PEX7: variants seen among roughly 807,000 people sequenced by gnomAD.
PEX7 encodes PTS2 receptor.
A neutral mutation model predicts 47.5 loss-of-function variants in PEX7; 34 were observed. That is an observed-to-expected ratio of 0.72 (90% confidence interval 0.54 to 0.95). The LOEUF (loss-of-function observed/expected upper bound fraction) is 0.95, where lower values mean the gene tolerates loss of function less well. PEX7 is among the 40% of genes least tolerant of loss of function. The pLI, the probability that PEX7 is intolerant of heterozygous loss-of-function variation, is 0.00. For synonymous variants in PEX7, 141 were observed against 148.8 expected, an observed-to-expected ratio of 0.95 and a Z score of 0.38; for missense variants, 394 against 400.3, an observed-to-expected ratio of 0.98 and a Z score of 0.13.
At chr6:136,844,300 G>T (rs1201952829) in intron 3 of PEX7, among the ~76,000 whole-genome samples, 1 of 152,152 alleles carries the variant, frequency 6.6e-6, no homozygotes, top group Admixed American at 6.5e-5. Context: ...AGCCCAGGAG[G>T]TCATCGCTGC....
intron 5 of PEX7, among the ~76,000 whole-genome samples, chr6:136,862,187 G>T (rs538182550): frequency 1.2e-3 from 175 of 150,666 alleles, no homozygotes; most frequent in Middle Eastern, 3.4e-3. Context: ...ATGCCCCAGC[G>T]TCTTGAGTAG....
chr6:136,824,576 G>C (rs918383608), intron 1 of PEX7, among the ~76,000 whole-genome samples: 1 of 152,138 alleles, frequency 6.6e-6, no homozygotes, highest in Non-Finnish European at 1.5e-5. Context: ...ATTCAGTCAT[G>C]TTTAAATAGA....
In PEX7 at chr6:136,846,075, G is replaced by A; in HGVS notation, c.420G>A (p.Trp140Ter). 2 of 1,596,004 alleles carry A rather than the reference G, an allele frequency of 1.3e-6. No individual in the cohort carries two copies. The highest frequency in any genetic ancestry group is 1.7e-6 in the Non-Finnish European group (2 of 1,163,820). Residue 140 changes from tryptophan to a stop codon, truncating the protein, a stop_gained and splice_region_variant, in exon 5 of 10, where the codon TGG (tryptophan) becomes TGA (stop). Transcript: ENST00000318471. LOFTEE classifies it high-confidence loss of function. ...SGSWDQTVKL[W>*]DPTVGKSLCT... ...TTGATCTATTCATTTATTTGTAGTGGGATCCAACTGTTGGAAAGTCTCTGT... is the reference window on the plus strand; with the variant it reads ...TTGATCTATTCATTTATTTGTAGTGAGATCCAACTGTTGGAAAGTCTCTGT...
chr6:136,885,003 T>C (rs1468978958), intron 8 of PEX7, among the ~76,000 whole-genome samples: 1 of 152,232 alleles, frequency 6.6e-6, no homozygotes, highest in East Asian at 1.9e-4. Context: ...TTAACTTCTC[T>C]TCCTGCCAAG....
intron 5 of PEX7, among the ~76,000 whole-genome samples, chr6:136,861,081 A>C (rs368996297): frequency 4.6e-5 from 7 of 152,024 alleles, no homozygotes; most frequent in East Asian, 3.9e-4. Context: ...GGTACTTTTA[A>C]ATTTTTTTAT....
intron 8 of PEX7, among the ~76,000 whole-genome samples, chr6:136,886,902 T>C (rs1775476080): frequency 6.6e-6 from 1 of 152,044 alleles, no homozygotes; most frequent in Admixed American, 6.6e-5. Flanking sequence ...AATTAAAACA[T>C]TAGCCAGGTA....
intron 9 of PEX7, among the ~76,000 whole-genome samples, chr6:136,905,610 C>T (rs1332514021): frequency 6.6e-6 from 1 of 152,050 alleles, no homozygotes; most frequent in African/African-American, 2.4e-5. Context: ...TTTTTCAATG[C>T]TACCATGCTG....
intron 8 of PEX7, among the ~76,000 whole-genome samples, chr6:136,889,070 C>A (rs771893998): frequency 8.5e-5 from 13 of 152,116 alleles, no homozygotes; most frequent in Non-Finnish European, 1.8e-4. Flanking sequence ...CTTCATATAT[C>A]TTTGGGTTAA....
At chr6:136,876,485 C>T (rs893344463) in intron 8 of PEX7, among the ~76,000 whole-genome samples, 1 of 152,146 alleles carries the variant, frequency 6.6e-6, no homozygotes, top group African/African-American at 2.4e-5. Flanking sequence ...GCTATCCCTC[C>T]TCTAGTCCCC....
intron 8 of PEX7, among the ~76,000 whole-genome samples, chr6:136,879,806 A>G (rs142139564): frequency 1.7e-3 from 258 of 151,604 alleles, no homozygotes; most frequent in Admixed American, 2.8e-3. Flanking sequence ...TTTTCCTTCT[A>G]TATTTCTTTA....
chr6:136,872,268 A>G lies in PEX7; in HGVS notation c.803+15A>G. On this transcript the variant is annotated intron_variant, in intron 8 of 9. Coordinates refer to ENST00000318471, the MANE Select transcript of PEX7 (RefSeq NM_000288.4). ...TTTACTGTAAGGTACAGTGGTTTTT[A>G]ATACATTTCATTGTGAAATACCAGG... is the stretch of plus-strand genomic sequence containing the variant. 3 of 1,597,752 alleles carry G rather than the reference A, an allele frequency of 1.9e-6. No individual in the cohort carries two copies. The highest frequency in any genetic ancestry group is 2.6e-6 in the Non-Finnish European group (3 of 1,169,360).
chr6:136,905,760 A>G (rs776895229), intron 9 of PEX7, among the ~76,000 whole-genome samples: 4 of 152,162 alleles, frequency 2.6e-5, no homozygotes, highest in Admixed American at 6.6e-5. Flanking sequence ...TGCTAGTGAT[A>G]CTTGCCCTAT....
chr6:136,870,526 A>G (rs548501669), intron 7 of PEX7, among the ~76,000 whole-genome samples: 2 of 152,272 alleles, frequency 1.3e-5, no homozygotes, highest in African/African-American at 4.8e-5. Flanking sequence ...TTATAAGATG[A>G]CTTAGGTTGG....
chr6:136,868,618 A>G (rs1350994495), intron 6 of PEX7, among the ~76,000 whole-genome samples: 1 of 152,092 alleles, frequency 6.6e-6, no homozygotes, highest in East Asian at 1.9e-4. Context: ...TTATTTTCTA[A>G]TAACTGAAAC....
chr6:136,857,186 T>C (rs1417069676), intron 5 of PEX7, among the ~76,000 whole-genome samples: 1 of 152,248 alleles, frequency 6.6e-6, no homozygotes, highest in Non-Finnish European at 1.5e-5. Flanking sequence ...CTGTGTACCA[T>C]GCGTTTGTAA....
rs1276817637 is a variant in PEX7, at chr6:136,829,986, T to TG, written c.339+3518dup. 1.6e-5 allele frequency: 11 copies of TG among 698,430 alleles called. No individual in the cohort carries two copies. The African/African-American group carries it at 2.0e-4, about 13-fold the overall frequency. The allele number at this position is 698,430 out of a possible 1,614,324, so 43.3% of individuals were successfully genotyped here. On this transcript the variant is annotated intron_variant, in intron 3 of 9. Transcript: ENST00000318471. ...GTTGATAATGAACATAGCCAATTTC[T>TG]GTTTTTTTTTTTTCCACCAGTATGT...
intron 8 of PEX7, among the ~76,000 whole-genome samples, chr6:136,875,110 G>A (rs1027128180): frequency 3.3e-5 from 5 of 151,910 alleles, no homozygotes; most frequent in African/African-American, 9.7e-5. Context: ...TTGCACTCCA[G>A]CCTGGGCAAC....
At chr6:136,897,002 G>C (rs771214427) in intron 8 of PEX7, among the ~76,000 whole-genome samples, 5 of 152,132 alleles carry the variant, frequency 3.3e-5, no homozygotes, top group Non-Finnish European at 5.9e-5. Context: ...TCATTTGGTT[G>C]AACAGGCAAA....
intron 6 of PEX7, 98 bp downstream of exon 6, chr6:136,866,831 C>T (rs1775081069): frequency 9.9e-7 from 1 of 1,010,758 alleles, no homozygotes; most frequent in African/African-American, 1.6e-5. Flanking sequence ...GGTGGTGTTC[C>T]TGGACCATTA....
Sources: gnomAD v4.1 joint callset for allele counts (sites outside exome capture counted in the v4.1 genomes callset) on GRCh38, gnomAD v4.1.1 for gene constraint, MANE v1.5 for transcripts, NCBI Gene and HGNC (gene_info 2026-07-23, HGNC 2026-07-21) for gene names.